The following NT5DC1 variants were observed in gnomAD, a reference collection of about 807,000 sequenced individuals.
NT5DC1 encodes 5'-nucleotidase domain containing 1, also known as 5'-nucleotidase domain-containing protein 1.
In NT5DC1, 42 loss-of-function variants were observed where a neutral mutation model predicts 59.4. The observed-to-expected ratio is 0.71, with a 90% CI of 0.55 to 0.92. NT5DC1 has a LOEUF of 0.92. Among genes scored for constraint, NT5DC1 ranks in the 40% least tolerant of loss-of-function variants. The pLI is 0.00. For synonymous variants in NT5DC1, 172 were observed against 188.1 expected, an observed-to-expected ratio of 0.91 and a Z score of 0.70; for missense variants, 501 against 537.1, an observed-to-expected ratio of 0.93 and a Z score of 0.66.
chr6:116,146,031 C>T (rs749314298), intron 6 of NT5DC1, among the ~76,000 whole-genome samples: 7 of 152,190 alleles, frequency 4.6e-5, no homozygotes, highest in Non-Finnish European at 7.3e-5. Context: ...AAAGGATGTC[C>T]TCCTCGTTTT....
chr6:116,172,837 ACT>A (rs1780642413), intron 6 of NT5DC1, among the ~76,000 whole-genome samples: 1 of 152,032 alleles, frequency 6.6e-6, no homozygotes, highest in African/African-American at 2.4e-5. Context: ...AGGAAAATCT[ACT>A]CTCCTTGTTT....
chr6:116,199,313 GA>G (rs1781299306), intron 6 of NT5DC1, among the ~76,000 whole-genome samples: 2 of 152,026 alleles, frequency 1.3e-5, no homozygotes, highest in Admixed American at 6.6e-5. Flanking sequence ...TCTGGTCTTT[GA>G]TGCTGTGTTC....
intron 8 of NT5DC1, among the ~76,000 whole-genome samples, chr6:116,227,056 C>G (rs912402821): frequency 2.0e-5 from 3 of 152,042 alleles, no homozygotes; most frequent in African/African-American, 7.2e-5. Flanking sequence ...GCATTTTGTA[C>G]AATATATTTC....
At chr6:116,162,942 A>G (rs1421132049) in intron 6 of NT5DC1, among the ~76,000 whole-genome samples, 2 of 151,858 alleles carry the variant, frequency 1.3e-5, no homozygotes, top group African/African-American at 2.4e-5. Flanking sequence ...CCTAGCTAAC[A>G]TGGTGAAACC....
At chr6:116,118,597 C>G (rs1224120266) in intron 6 of NT5DC1, among the ~76,000 whole-genome samples, 2 of 152,056 alleles carry the variant, frequency 1.3e-5, no homozygotes, top group African/African-American at 4.8e-5. Flanking sequence ...AATTGCTTGC[C>G]TTTTTAAAAT....
chr6:116,114,261 T>A (rs1171801446), intron 4 of NT5DC1, among the ~76,000 whole-genome samples: 4 of 152,074 alleles, frequency 2.6e-5, no homozygotes, highest in South Asian at 4.1e-4. Flanking sequence ...ATTTTTTTTT[T>A]ATACATTTTA....
chr6:116,221,030 C>T, intron 6 of NT5DC1, 24 bp from the exon 7 acceptor site: 2 of 1,139,014 alleles, frequency 1.8e-6, no homozygotes, highest in South Asian at 1.4e-5. Context: ...AAAGAAAAAC[C>T]TCATTGATAT....
At position 116,169,940 on chromosome 6, in the gene NT5DC1, A is replaced by G. The variant is rs750352143; in HGVS notation, c.530-51114A>G. The stretch of plus-strand genomic sequence containing the variant: ...TAGATAAGGAAGAAAGGAAAACAAC[A>G]GAAATAGGGGAGAGGGGTTTCCTAG... On this transcript the variant is annotated intron_variant, in intron 6 of 11. Transcript: ENST00000319550. Among the ~76,000 whole-genome samples, 4 of 152,228 alleles carry G rather than the reference A, an allele frequency of 2.6e-5. 1 individual carries two copies. The highest frequency in any genetic ancestry group is 5.9e-5 in the Non-Finnish European group (4 of 68,042).
Position 116,239,260 on chromosome 6 carries a change from C to A in NT5DC1, c.1252+137C>A, listed in dbSNP as rs560888946. 71 of 673,462 alleles carry A rather than the reference C, an allele frequency of 1.1e-4. 1 individual carries two copies. In the South Asian group the frequency reaches 1.3e-3, roughly 13 times the overall value. 41.7% of individuals were successfully genotyped at this position (673,462 alleles called of 1,614,324 possible). A position where few individuals can be genotyped will look rare whatever the true frequency, so the allele number is the denominator to read the frequency against. On this transcript the variant is annotated intron_variant, in intron 11 of 11. Coordinates refer to ENST00000319550, the MANE Select transcript of NT5DC1 (RefSeq NM_152729.3). Reference sequence around the variant, plus strand: ...GGGGAAAAATCTTCTAGATATGGAACCTAGGTAATTAGGACCAGCACTTCT... The same window carrying A: ...GGGGAAAAATCTTCTAGATATGGAAACTAGGTAATTAGGACCAGCACTTCT...
In NT5DC1 at chr6:116,245,818, G is replaced by A. The variant is rs1367484188; in HGVS notation, c.*1794G>A. 1 of 151,944 alleles carries A rather than the reference G, an allele frequency of 6.6e-6. No individual in the cohort carries two copies. The highest frequency in any genetic ancestry group is 3.2e-3 in the Middle Eastern group (1 of 316). The allele number at this position is 151,944 out of a possible 1,614,324, so 9.4% of individuals were successfully genotyped here. On this transcript the variant is annotated 3_prime_UTR_variant, in exon 12 of 12. Coordinates refer to ENST00000319550, the MANE Select transcript of NT5DC1 (RefSeq NM_152729.3). ...TTTGGGCCACTTGAGTAGTGGCGGG[G>A]GTTCAGGAGGCAGAATTCAGTTGTC...
intron 6 of NT5DC1, among the ~76,000 whole-genome samples, chr6:116,184,526 T>C (rs1780953919): frequency 6.6e-6 from 1 of 152,146 alleles, no homozygotes; most frequent in African/African-American, 2.4e-5. Context: ...TGGCCTTTTT[T>C]TGTTGGTAAC....
At chr6:116,178,086 TGTGCGC>T (rs748648503) in intron 6 of NT5DC1, among the ~76,000 whole-genome samples, 1,077 of 77,532 alleles carry the variant, frequency 0.014, 8 homozygotes, top group African/African-American at 0.02. Context: ...TGTGTGTGTG[TGTGCGC>T]GCGCGCGCGC....
chr6:116,204,364 C>A (rs112675658), intron 6 of NT5DC1, among the ~76,000 whole-genome samples: 19 of 151,932 alleles, frequency 1.3e-4, no homozygotes, highest in South Asian at 6.2e-4. Context: ...GAGAAAGATT[C>A]AAAAAGATGC....
intron 1 of NT5DC1, among the ~76,000 whole-genome samples, chr6:116,105,414 G>A (rs1247909767): frequency 6.6e-6 from 1 of 152,188 alleles, no homozygotes; most frequent in Non-Finnish European, 1.5e-5. Flanking sequence ...GGGTCAGATT[G>A]TTCAGTGTGT....
intron 6 of NT5DC1, among the ~76,000 whole-genome samples, chr6:116,170,967 TTCC>T (rs1287143906): frequency 1.3e-5 from 2 of 152,170 alleles, no homozygotes; most frequent in Admixed American, 1.3e-4. Flanking sequence ...GACCTGCCCA[TTCC>T]TCCTCTGTGG....
At chr6:116,193,040 C>T (rs150109877) in intron 6 of NT5DC1, among the ~76,000 whole-genome samples, 1 of 152,174 alleles carries the variant, frequency 6.6e-6, no homozygotes, top group East Asian at 1.9e-4. Context: ...TATGTAAATG[C>T]AGCATTACTA....
chr6:116,245,591 A>T lies in NT5DC1; in HGVS notation c.*1567A>T, dbSNP rs1159425060. On this transcript the variant is annotated 3_prime_UTR_variant, in exon 12 of 12. Transcript: ENST00000319550. The stretch of plus-strand genomic sequence containing the variant: ...AGAATGTCACTGGAATATTACAATG[A>T]GCATAAATAATCAAGCTTAGGACTA... The T allele has an allele frequency of 2.0e-5, 3 of 152,354 alleles. No individual in the cohort carries two copies. The South Asian group carries it at 6.2e-4, about 32-fold the overall frequency. The allele number at this position is 152,354 out of a possible 1,614,324, so 9.4% of individuals were successfully genotyped here. A position where few individuals can be genotyped will look rare whatever the true frequency, so the allele number is the denominator to read the frequency against.
At chr6:116,130,776 A>G (rs188851900) in intron 6 of NT5DC1, among the ~76,000 whole-genome samples, 135 of 152,220 alleles carry the variant, frequency 8.9e-4, no homozygotes, top group African/African-American at 3.0e-3. Flanking sequence ...TCCCATGCTA[A>G]AAACCCTAGT....
rs944112248 is a variant in NT5DC1 at position 116,238,349 on chromosome 6, G to T, written c.1083+1G>T. ...TCTAGAGAAGAAAGGAAAATATGAG[G>T]TAAGGGTTCCCTGCAGCTCTTTCCT... On this transcript the variant is annotated splice_donor_variant, in intron 10 of 11. Coordinates refer to ENST00000319550, the MANE Select transcript of NT5DC1 (RefSeq NM_152729.3). LOFTEE classifies it high-confidence loss of function. 2 of 1,581,156 alleles carry T rather than the reference G, an allele frequency of 1.3e-6. No homozygotes were observed. The highest frequency in any genetic ancestry group is 3.8e-5 in the Admixed American group (2 of 53,230).
Sources: gnomAD v4.1 joint callset for allele counts (sites outside exome capture counted in the v4.1 genomes callset) on GRCh38, gnomAD v4.1.1 for gene constraint, MANE v1.5 for transcripts, NCBI Gene and HGNC (gene_info 2026-07-23, HGNC 2026-07-21) for gene names.